Variants in DPH6 observed in about 807,000 individuals in gnomAD.
DPH6 encodes the protein diphthamine biosynthesis 6, also known as diphthine--ammonia ligase.
Under a neutral mutation model 38.2 loss-of-function variants are expected in DPH6, and 33 were observed. That is an observed-to-expected ratio of 0.86 (90% CI 0.65 to 1.15). DPH6 has a LOEUF of 1.15. DPH6 is among the 50% of genes most tolerant of loss of function. The pLI, the probability that DPH6 is intolerant of heterozygous loss-of-function variation, is 0.00. For missense variants in DPH6, 325 were observed against 320.0 expected (o/e 1.02, Z -0.12); for synonymous variants, 108 against 103.0 (o/e 1.05, Z -0.30).
At chr15:35,525,933 T>A (rs1347033137) in intron 3 of DPH6, among the ~76,000 whole-genome samples, 1 of 152,202 alleles carries the variant, frequency 6.6e-6, no homozygotes, top group Admixed American at 6.5e-5. Flanking sequence ...TCCAGATTAA[T>A]AAATCCTATC....
chr15:35,202,057 T>C, the DPH6 span, among the ~76,000 whole-genome samples: 3 of 151,836 alleles, frequency 2.0e-5, no homozygotes, highest in East Asian at 5.8e-4. Flanking sequence ...AGCACATCTT[T>C]TATAAGTTCA....
chr15:35,434,916 G>A (rs2053677442), intron 5 of DPH6, among the ~76,000 whole-genome samples: 1 of 151,824 alleles, frequency 6.6e-6, no homozygotes, highest in African/African-American at 2.4e-5. Context: ...TGGGACTACA[G>A]GTATATGCCA....
intron 6 of DPH6, 121 bp from the exon 7 acceptor site, chr15:35,382,037 T>A (rs948932064): frequency 5.8e-6 from 4 of 693,608 alleles, no homozygotes; most frequent in Non-Finnish European, 7.4e-6. Context: ...GTTTGCAAGG[T>A]AAGGAAAATT....
intron 3 of DPH6, chr15:35,520,955 G>A: frequency 1.0e-6 from 1 of 985,154 alleles, no homozygotes; most frequent in Non-Finnish European, 1.2e-6. Flanking sequence ...TGAAATCAAA[G>A]TGCAGAACTG....
the DPH6 span, among the ~76,000 whole-genome samples, chr15:35,176,797 T>C: frequency 6.6e-6 from 1 of 152,204 alleles, no homozygotes; most frequent in Non-Finnish European, 1.5e-5. Context: ...GAATCTATTG[T>C]CATTTGGATT....
chr15:35,337,478 C>T (rs952993132), intron 3 of DPH6, among the ~76,000 whole-genome samples: 20 of 152,092 alleles, frequency 1.3e-4, no homozygotes, highest in Middle Eastern at 3.4e-3. Flanking sequence ...TTACAAGGGA[C>T]GTGAAGGACC....
chr15:35,160,454 T>A, the DPH6 span, among the ~76,000 whole-genome samples: 5 of 151,956 alleles, frequency 3.3e-5, no homozygotes, highest in South Asian at 1.0e-3. Context: ...TTCTCAACTT[T>A]TATTTTAGGT....
intron 3 of DPH6, among the ~76,000 whole-genome samples, chr15:35,480,302 T>C (rs1643044902): frequency 6.6e-6 from 1 of 152,134 alleles, no homozygotes; most frequent in Admixed American, 6.6e-5. Context: ...AGCTCAAATA[T>C]TTATAAAACA....
At chr15:35,185,724 C>CTT in the DPH6 span, among the ~76,000 whole-genome samples, 747 of 82,950 alleles carry the variant, frequency 9.0e-3, 28 homozygotes, top group African/African-American at 0.023. Flanking sequence ...CCAATCCACT[C>CTT]TTTTTTTTTT....
chr15:35,363,041 A>C (rs1316189405), intron 3 of DPH6, among the ~76,000 whole-genome samples: 1 of 152,108 alleles, frequency 6.6e-6, no homozygotes, highest in Non-Finnish European at 1.5e-5. Flanking sequence ...ACATTTGTAG[A>C]CTTGTATTAT....
intron 3 of DPH6, chr15:35,521,910 T>C (rs1275271659): frequency 7.1e-7 from 1 of 1,414,492 alleles, no homozygotes; most frequent in African/African-American, 1.4e-5. Context: ...ATGAATCTCC[T>C]TTAAGTTGAA....
chr15:35,544,884 T>A (rs746351531), intron 1 of DPH6, among the ~76,000 whole-genome samples: 1 of 152,264 alleles, frequency 6.6e-6, no homozygotes, highest in Non-Finnish European at 1.5e-5. Flanking sequence ...TAAATTTGAA[T>A]TATTCACTTC....
At chr15:35,270,348 G>A (rs1452504637) in intron 3 of DPH6, among the ~76,000 whole-genome samples, 2 of 152,204 alleles carry the variant, frequency 1.3e-5, no homozygotes, top group African/African-American at 4.8e-5. Context: ...CATCGGTTCT[G>A]CTGATCTTGT....
downstream of DPH6, among the ~76,000 whole-genome samples, chr15:35,215,350 G>C (rs2051405262): frequency 6.6e-6 from 1 of 152,118 alleles, no homozygotes; most frequent in African/African-American, 2.4e-5. Context: ...ATTTAACATA[G>C]AATAAGGAAG....
chr15:35,393,490 G>A (rs2140963161), intron 6 of DPH6, among the ~76,000 whole-genome samples: 1 of 152,306 alleles, frequency 6.6e-6, no homozygotes, highest in East Asian at 1.9e-4. Context: ...TGTTTTTAGA[G>A]TTGTGCAGAA....
intron 3 of DPH6, among the ~76,000 whole-genome samples, chr15:35,295,758 G>GT (rs1163888283): frequency 4.0e-5 from 6 of 151,772 alleles, no homozygotes; most frequent in Non-Finnish European, 7.4e-5. Flanking sequence ...GTTATAACCC[G>GT]TTTTTTTCCT....
chr15:35,238,660 G>A (rs186685351), intron 3 of DPH6, among the ~76,000 whole-genome samples: 428 of 152,228 alleles, frequency 2.8e-3, no homozygotes, highest in Non-Finnish European at 4.9e-3. Flanking sequence ...CCAAGCCATC[G>A]CATCCCCTGT....
At chr15:35,409,017 A>G (rs995270574) in intron 6 of DPH6, among the ~76,000 whole-genome samples, 2 of 151,938 alleles carry the variant, frequency 1.3e-5, no homozygotes, top group African/African-American at 4.8e-5. Flanking sequence ...AAAGAGAGCG[A>G]GAATAAAGAC....
the DPH6 span, among the ~76,000 whole-genome samples, chr15:35,193,313 T>C: frequency 2.0e-5 from 3 of 152,080 alleles, no homozygotes; most frequent in Admixed American, 2.0e-4. Flanking sequence ...CAAAAAAGAA[T>C]GGGAGTTTTT....
Sources: gnomAD v4.1 joint callset for allele counts (sites outside exome capture counted in the v4.1 genomes callset) on GRCh38, gnomAD v4.1.1 for gene constraint, MANE v1.5 for transcripts, NCBI Gene and HGNC (gene_info 2026-07-23, HGNC 2026-07-21) for gene names.